The following CNTRL variants were observed in gnomAD, a reference collection of about 807,000 sequenced individuals.
CNTRL encodes 110 kDa centrosomal protein.
In CNTRL, 233 loss-of-function variants were observed where a neutral mutation model predicts 303.7. The ratio of observed to expected loss-of-function variants is 0.77; its 90% CI spans 0.69 to 0.86. The LOEUF is 0.86. CNTRL is among the 40% of genes least tolerant of loss of function. CNTRL has a pLI of 0.00. For synonymous variants in CNTRL, 900 were observed against 922.2 expected, an observed-to-expected ratio of 0.98 and a Z score of 0.44; for missense variants, 2,524 against 2,650.6, an observed-to-expected ratio of 0.95 and a Z score of 1.05.
intron 12 of CNTRL, among the ~76,000 whole-genome samples, chr9:121,121,268 A>G (rs1041418752): frequency 6.6e-6 from 1 of 152,180 alleles, no homozygotes. Flanking sequence ...TTTTATTAAC[A>G]TCTATCCATT....
chr9:121,145,188 T>C lies in CNTRL; in HGVS notation c.3169-56T>C, dbSNP rs2134077748. On this transcript the variant is annotated intron_variant, in intron 21 of 43. Transcript: ENST00000373855. ...CATAATCAAGTTGAAAGGATAAATGTGTTTGGGAAAGAATGAATTCATTGG... is the reference window on the plus strand; with the variant it reads ...CATAATCAAGTTGAAAGGATAAATGCGTTTGGGAAAGAATGAATTCATTGG... 12 of 1,536,044 alleles carry C rather than the reference T, an allele frequency of 7.8e-6. No homozygotes were observed. The South Asian group carries it at 1.5e-4, about 19-fold the overall frequency.
chr9:121,098,617 T>A, intron 7 of CNTRL, 45 bp downstream of exon 7: 16 of 1,172,796 alleles, frequency 1.4e-5, no homozygotes, highest in Non-Finnish European at 1.8e-5. Flanking sequence ...GAGGGAGGAA[T>A]TTATTTTCAG....
Position 121,173,673 on chromosome 9 carries a change from AG to A in CNTRL, c.6685del. On this transcript the variant is annotated splice_acceptor_variant, in intron 41 of 43. Coordinates refer to ENST00000373855, the MANE Select transcript of CNTRL (RefSeq NM_007018.6). LOFTEE classifies it high-confidence loss of function. Reference sequence around the variant, plus strand: ...GATATCTCTATTTTCCCTCTGAGAAAGGATGAACACTGGCGTGGAGAAGCAC... The same window carrying A: ...GATATCTCTATTTTCCCTCTGAGAAAGATGAACACTGGCGTGGAGAAGCAC... The A allele has an allele frequency of 1.1e-5, 18 of 1,614,176 alleles. No homozygotes were observed. The highest frequency in any genetic ancestry group is 1.5e-5 in the Non-Finnish European group (18 of 1,179,992).
intron 7 of CNTRL, among the ~76,000 whole-genome samples, chr9:121,104,123 C>T (rs536729602): frequency 3.7e-4 from 57 of 152,184 alleles, no homozygotes; most frequent in Non-Finnish European, 7.1e-4. Flanking sequence ...TTGGAACCAA[C>T]CTGAATGTCC....
At chr9:121,116,990 T>C (rs1045179139) in intron 11 of CNTRL, among the ~76,000 whole-genome samples, 1 of 152,222 alleles carries the variant, frequency 6.6e-6, no homozygotes, top group East Asian at 1.9e-4. Context: ...GATTGATAGA[T>C]GTAAATAATG....
intron 15 of CNTRL, 108 bp downstream of exon 15, chr9:121,136,090 A>G: frequency 2.0e-6 from 2 of 1,021,310 alleles, no homozygotes. Context: ...TTCATACAAT[A>G]TATATGGAGT....
chr9:121,162,299 G>A (rs1339705325), intron 34 of CNTRL, 28 bp downstream of exon 34: 2 of 1,580,054 alleles, frequency 1.3e-6, no homozygotes. Flanking sequence ...TAAGCTTGCA[G>A]GATCACTTCT....
intron 14 of CNTRL, among the ~76,000 whole-genome samples, chr9:121,135,576 C>T (rs2051141279): frequency 6.6e-6 from 1 of 152,056 alleles, no homozygotes; most frequent in Non-Finnish European, 1.5e-5. Flanking sequence ...CTTTGAAAAA[C>T]AATATGTTGG....
chr9:121,114,173 A>G (rs1951784), intron 10 of CNTRL, among the ~76,000 whole-genome samples: 53,917 of 152,164 alleles, frequency 0.35, 11,899 homozygotes, highest in South Asian at 0.64. Context: ...GACATGCCCC[A>G]TGCCCCACAA....
chr9:121,172,803 C>T (rs1056007539), intron 40 of CNTRL, among the ~76,000 whole-genome samples: 2 of 152,158 alleles, frequency 1.3e-5, no homozygotes, highest in East Asian at 3.8e-4. Flanking sequence ...CAGTTGGGTG[C>T]CACTGAGGTG....
At chr9:121,083,875 G>A (rs2048241697) in intron 2 of CNTRL, among the ~76,000 whole-genome samples, 2 of 152,058 alleles carry the variant, frequency 1.3e-5, no homozygotes, top group Admixed American at 6.5e-5. Context: ...TAATCTTACG[G>A]GACCACTGTC....
At position 121,141,836 on chromosome 9, in the gene CNTRL, G is replaced by A. The variant is rs116130673; in HGVS notation, c.2691+248G>A. Among the ~76,000 whole-genome samples, 900 of 152,252 alleles carry A rather than the reference G, an allele frequency of 5.9e-3. 6 individuals are homozygous for A. The highest frequency in any genetic ancestry group is 0.015 in the African/African-American group (641 of 41,536). On this transcript the variant is annotated intron_variant, in intron 18 of 43. Transcript: ENST00000373855. ...AGGCAAGTTATTTTATAACAGGCAG[G>A]TAAATAATGCCACATTCCTAGAGTA...
At position 121,173,237 on chromosome 9, in the gene CNTRL, G is replaced by A; in HGVS notation, c.6418-6G>A. On this transcript the variant is annotated splice_polypyrimidine_tract_variant and splice_region_variant and intron_variant, in intron 40 of 43. Coordinates refer to ENST00000373855, the MANE Select transcript of CNTRL (RefSeq NM_007018.6). Reference sequence around the variant, plus strand: ...CAATGATATTTGACACCAACTCACTGTTTAGATGGCAAACCAAAAAGATTT... The same window carrying A: ...CAATGATATTTGACACCAACTCACTATTTAGATGGCAAACCAAAAAGATTT... 6.2e-7 allele frequency: 1 copy of A among 1,604,492 alleles called. No homozygotes were observed. The highest frequency in any genetic ancestry group is 1.1e-5 in the South Asian group (1 of 89,264).
intron 7 of CNTRL, among the ~76,000 whole-genome samples, chr9:121,099,517 C>A (rs2049041268): frequency 6.6e-6 from 1 of 152,200 alleles, no homozygotes; most frequent in Non-Finnish European, 1.5e-5. Flanking sequence ...AGGAATGCAG[C>A]TCCTCACCAG....
At chr9:121,138,452 G>A (rs966435453) in intron 15 of CNTRL, 93 bp from the exon 16 acceptor site, 11 of 1,271,470 alleles carry the variant, frequency 8.7e-6, no homozygotes, top group Non-Finnish European at 1.1e-5. Flanking sequence ...AGCTAGCAAG[G>A]GATTGTGTGT....
At chr9:121,098,290 C>G in intron 6 of CNTRL, 96 bp from the exon 7 acceptor site, 1 of 922,208 alleles carries the variant, frequency 1.1e-6, no homozygotes, top group Admixed American at 2.4e-5. Flanking sequence ...TGAATAGATT[C>G]CTTGCCATGT....
chr9:121,154,973 C>T (rs1313605176), intron 27 of CNTRL, 60 bp downstream of exon 27: 2 of 1,398,222 alleles, frequency 1.4e-6, no homozygotes, highest in Non-Finnish European at 2.0e-6. Flanking sequence ...TTACTGTCCA[C>T]CTGAAGGATT....
chr9:121,091,795 GA>G (rs1164699275), intron 4 of CNTRL, among the ~76,000 whole-genome samples: 3 of 151,622 alleles, frequency 2.0e-5, no homozygotes, highest in African/African-American at 7.3e-5. Context: ...AGTGAGCCAA[GA>G]TCGCGCCATT....
At position 121,118,249 on chromosome 9, in the gene CNTRL, A is replaced by G. The variant is rs925466441; in HGVS notation, c.1456-97A>G. On this transcript the variant is annotated intron_variant, in intron 11 of 43. Coordinates refer to ENST00000373855, the MANE Select transcript of CNTRL (RefSeq NM_007018.6). Reference sequence around the variant, plus strand: ...TTTCACTTTTATTTTTAAAAAACTGATAGAATATAGAATACTTATTAAAAT... The same window carrying G: ...TTTCACTTTTATTTTTAAAAAACTGGTAGAATATAGAATACTTATTAAAAT... 18 of 970,874 alleles carry G rather than the reference A, an allele frequency of 1.9e-5. 1 individual carries two copies. The Admixed American group carries it at 3.5e-4, about 19-fold the overall frequency. The allele number at this position is 970,874 out of a possible 1,614,324, so 60.1% of individuals were successfully genotyped here.
Sources: gnomAD v4.1 joint callset for allele counts (sites outside exome capture counted in the v4.1 genomes callset) on GRCh38, gnomAD v4.1.1 for gene constraint, MANE v1.5 for transcripts, NCBI Gene and HGNC (gene_info 2026-07-23, HGNC 2026-07-21) for gene names.